The following MLPH variants were observed in gnomAD, a reference collection of about 807,000 sequenced individuals.
The protein encoded by MLPH is melanophilin, also known as exophilin-3.
MLPH carries 51 observed loss-of-function variants against 72.1 expected under a neutral mutation model. The ratio of observed to expected loss-of-function variants is 0.71; its 90% confidence interval spans 0.56 to 0.89. The LOEUF (loss-of-function observed/expected upper bound fraction) is 0.89, where lower values mean the gene tolerates loss of function less well. MLPH is among the 40% of genes least tolerant of loss of function. The probability of loss-of-function intolerance (pLI) is 0.00; values close to 1 mark genes in which losing one functional copy is unlikely to be tolerated. For synonymous variants in MLPH, 301 were observed against 310.1 expected, an observed-to-expected ratio of 0.97 and a Z score of 0.31; for missense variants, 743 against 759.9, an observed-to-expected ratio of 0.98 and a Z score of 0.26.
chr2:237,494,472 G>A (rs1319386593), intron 2 of MLPH, among the ~76,000 whole-genome samples: 2 of 152,188 alleles, frequency 1.3e-5, no homozygotes, highest in East Asian at 1.9e-4. Flanking sequence ...CCCTTCCCCT[G>A]AGTCACCACA....
chr2:237,540,369 A>G lies in MLPH; in HGVS notation c.1126A>G (p.Thr376Ala). 1 of 1,613,676 alleles carries G rather than the reference A, an allele frequency of 6.2e-7. No individual in the cohort carries two copies. The highest frequency in any genetic ancestry group is 8.5e-7 in the Non-Finnish European group (1 of 1,180,030). Residue 376 changes from threonine (T) to alanine (A), a missense_variant, in exon 10 of 16, where the codon ACG (threonine) becomes GCG (alanine). Transcript: ENST00000264605. ...TCAGGGTCTAGGTGCTGGAGTGCGC[A>G]CGGAGGCCGATGTAGAGGAGGAGGC... ...LAKGLGAGVR[T>A]EADVEEEALR...
chr2:237,545,369 G>C, intron 12 of MLPH: 1 of 1,092,260 alleles, frequency 9.2e-7, no homozygotes, highest in Non-Finnish European at 1.2e-6. Context: ...GTGAACATCC[G>C]GCCTGAGTTT....
rs150429862 is a variant in MLPH, at chr2:237,518,978, G to A, written c.555+330G>A. ...TGTAGGACAGGCAGGGGTCCTGGAG[G>A]GCTCTCGAGGGTCCTGAGAGCAGCT... On this transcript the variant is annotated intron_variant, in intron 5 of 15. Transcript: ENST00000264605. Among the ~76,000 whole-genome samples, 1,379 of 152,312 alleles carry A rather than the reference G, an allele frequency of 9.1e-3. 26 individuals carry two copies. Among genetic ancestry groups the A allele is most frequent in the African/African-American group, 0.032 (1,319 of 41,548 alleles).
Position 237,525,815 on chromosome 2 carries a change from C to T in MLPH, c.880+10C>T, listed in dbSNP as rs538278415. The T allele has an allele frequency of 3.2e-4, 516 of 1,609,600 alleles. 6 individuals carry two copies. The South Asian group carries it at 5.2e-3, about 16-fold the overall frequency. The stretch of plus-strand genomic sequence containing the variant: ...ACTGCTGCTGCACTCGGTAGGTGCC[C>T]TTGGCCAGGGTCTTCCTGATGGGCT... On this transcript the variant is annotated intron_variant, in intron 7 of 15. Coordinates refer to ENST00000264605, the MANE Select transcript of MLPH (RefSeq NM_024101.7).
chr2:237,524,173 G>T (rs113178755), intron 6 of MLPH, among the ~76,000 whole-genome samples: 1 of 151,768 alleles, frequency 6.6e-6, no homozygotes, highest in Non-Finnish European at 1.5e-5. Flanking sequence ...GCCGAAATGC[G>T]ATTATTAGTA....
chr2:237,549,472 C>G (rs1043576466), intron 14 of MLPH, among the ~76,000 whole-genome samples, 194 bp downstream of exon 14: 2 of 152,194 alleles, frequency 1.3e-5, no homozygotes, highest in African/African-American at 2.4e-5. Flanking sequence ...ACAGCTGGAA[C>G]TTGCTGCTTT....
At chr2:237,517,729 GTGGATGGATGGATGGATGGATGGA>G (rs58864368) in intron 4 of MLPH, among the ~76,000 whole-genome samples, 1 of 135,014 alleles carries the variant, frequency 7.4e-6, no homozygotes, top group South Asian at 2.3e-4. Flanking sequence ...AAGTAAGTGG[GTGGATGGATGGATGGATGGATGGA>G]TGGATGGATG....
chr2:237,534,429 C>T, intron 8 of MLPH, 135 bp from the exon 9 acceptor site: 1 of 760,402 alleles, frequency 1.3e-6, no homozygotes, highest in Non-Finnish European at 2.4e-6. Flanking sequence ...CCTTCCCAGG[C>T]CATGTCATGG....
intron 2 of MLPH, among the ~76,000 whole-genome samples, chr2:237,497,577 C>T (rs564186280): frequency 3.9e-5 from 6 of 152,270 alleles, no homozygotes; most frequent in African/African-American, 1.4e-4. Context: ...GTGGTGTGGA[C>T]GCTGTGCAAG....
intron 2 of MLPH, among the ~76,000 whole-genome samples, chr2:237,499,193 A>AT (rs2079597528): frequency 1.3e-5 from 2 of 152,270 alleles, no homozygotes; most frequent in Non-Finnish European, 2.9e-5. Flanking sequence ...CCTCGCCCTG[A>AT]CACCTCATAT....
chr2:237,510,627 A>ACACTGCCCATCTGAACGAGACC lies in MLPH; in HGVS notation c.171_192dup (p.Ala65ProfsTer20), dbSNP rs747993277. On this transcript the variant is annotated frameshift_variant, in exon 3 of 16. Coordinates refer to ENST00000264605, the MANE Select transcript of MLPH (RefSeq NM_024101.7). LOFTEE classifies it high-confidence loss of function. The surrounding 1 kb of genome is among the most constrained non-coding windows in gnomAD (Gnocchi z 4.4). ...AGCTCCAAGAGGGAGCTGCTTTCCG[A>ACACTGCCCATCTGAACGAGACC]CACTGCCCATCTGAACGAGACCCAC... 12 of 1,613,600 alleles carry ACACTGCCCATCTGAACGAGACC rather than the reference A, an allele frequency of 7.4e-6. No homozygotes were observed. Among genetic ancestry groups the ACACTGCCCATCTGAACGAGACC allele is most frequent in the Non-Finnish European group, 1.0e-5 (12 of 1,180,062 alleles).
chr2:237,542,921 T>TGG (rs1298004847), intron 12 of MLPH, among the ~76,000 whole-genome samples: 1 of 20,866 alleles, frequency 4.8e-5, no homozygotes, highest in African/African-American at 3.3e-4. Flanking sequence ...CAGTGGTGAG[T>TGG]GGGGACAGTG....
chr2:237,527,259 C>T (rs2080323767), intron 7 of MLPH, 118 bp from the exon 8 acceptor site: 6 of 1,300,346 alleles, frequency 4.6e-6, no homozygotes, highest in Non-Finnish European at 5.5e-6. Context: ...AGCCCTGTAA[C>T]ATGAACATCC....
intron 4 of MLPH, chr2:237,518,046 G>A (rs1294610837): frequency 7.9e-6 from 2 of 254,250 alleles, no homozygotes; most frequent in Non-Finnish European, 1.5e-5. Flanking sequence ...GGGTGGGTGA[G>A]TGGATGAGCC....
Position 237,549,269 on chromosome 2 carries a change from A to G in MLPH, c.1666A>G (p.Lys556Glu). 2 of 1,614,150 alleles carry G rather than the reference A, an allele frequency of 1.2e-6. No homozygotes were observed. The highest frequency in any genetic ancestry group is 1.7e-6 in the Non-Finnish European group (2 of 1,179,992). Reference protein sequence around the residue: ...LLRRKFSNSLKSQGKDDDSFD... With the variant: ...LLRRKFSNSLESQGKDDDSFD... ...GAGAAGAAAGTTCAGTAATTCCCTG[A>G]AAAGTCAAGGTAAGAGCCCTCTGCT... Residue 556 changes from lysine (K) to glutamate (E), a missense_variant, in exon 14 of 16, where the codon AAA becomes GAA. By Grantham distance (56) the Lys-to-Glu change is moderately conservative. Coordinates refer to ENST00000264605, the MANE Select transcript of MLPH (RefSeq NM_024101.7).
At position 237,503,775 on chromosome 2, in the gene MLPH, G is replaced by A. The variant is rs116057143; in HGVS notation, c.111-6799G>A. ...CTGGGAGTACAATCTGACCTCACAC[G>A]CTTTCCCCTACAGGCTGTGGGGATG... On this transcript the variant is annotated intron_variant, in intron 2 of 15. Transcript: ENST00000264605. 5.8e-4 allele frequency among the ~76,000 whole-genome samples: 89 copies of A among 152,196 alleles called. 1 individual carries two copies. The highest frequency in any genetic ancestry group is 1.9e-3 in the African/African-American group (78 of 41,504).
intron 8 of MLPH, among the ~76,000 whole-genome samples, chr2:237,529,053 A>T (rs2080364919): frequency 6.6e-6 from 1 of 151,780 alleles, no homozygotes; most frequent in Admixed American, 6.6e-5. Context: ...TATTATTATT[A>T]TTTTTTTTAG....
intron 14 of MLPH, among the ~76,000 whole-genome samples, chr2:237,549,784 G>A (rs1296735081): frequency 6.6e-6 from 1 of 152,104 alleles, no homozygotes; most frequent in African/African-American, 2.4e-5. Context: ...CCCATTCAGA[G>A]TCCCGTCCCT....
At chr2:237,509,022 G>T (rs2079834743) in intron 2 of MLPH, among the ~76,000 whole-genome samples, 1 of 152,206 alleles carries the variant, frequency 6.6e-6, no homozygotes, top group South Asian at 2.1e-4. Context: ...AATTAGCAGA[G>T]TGCATGGAGT....
Sources: allele counts gnomAD v4.1 joint callset (sites outside exome capture counted in the v4.1 genomes callset), GRCh38; gene constraint gnomAD v4.1.1; non-coding constraint Gnocchi (gnomAD v3.1); transcripts MANE v1.5; gene names NCBI Gene and HGNC (gene_info 2026-07-23, HGNC 2026-07-21).